The following TRDN variants were observed in gnomAD, a reference collection of about 807,000 sequenced individuals.
The protein encoded by TRDN is triadin.
TRDN carries 161 observed loss-of-function variants against 149.7 expected under a neutral mutation model. That is an observed-to-expected ratio of 1.08 (90% CI 0.95 to 1.23). TRDN has a LOEUF of 1.23. TRDN is among the 50% of genes most tolerant of loss of function. TRDN has a pLI of 0.00. For missense variants in TRDN, 896 were observed against 823.5 expected, an observed-to-expected ratio of 1.09 and a Z score of -1.08; for synonymous variants, 294 against 250.5, an observed-to-expected ratio of 1.17 and a Z score of -1.64.
chr6:123,421,379 A>T (rs1190732952), intron 12 of TRDN, among the ~76,000 whole-genome samples: 1 of 152,140 alleles, frequency 6.6e-6, no homozygotes, highest in Non-Finnish European at 1.5e-5. Context: ...GATTTTGTCA[A>T]TCTGTTTCCT....
chr6:123,411,667 A>G (rs1773446129), intron 12 of TRDN: 2 of 152,224 alleles, frequency 1.3e-5, no homozygotes, highest in South Asian at 4.1e-4. Flanking sequence ...GTATTTATTA[A>G]TATTGCCACA....
intron 10 of TRDN, among the ~76,000 whole-genome samples, chr6:123,453,202 A>G (rs891472230): frequency 3.3e-5 from 5 of 152,196 alleles, no homozygotes; most frequent in Non-Finnish European, 7.4e-5. Context: ...TTAGGCAAAG[A>G]TTTCATGACC....
intron 12 of TRDN, among the ~76,000 whole-genome samples, chr6:123,405,672 A>G (rs1262254495): frequency 5.3e-5 from 8 of 152,212 alleles, no homozygotes; most frequent in Non-Finnish European, 8.8e-5. Flanking sequence ...CAAAAAGTTT[A>G]GTAATTCTCA....
intron 24 of TRDN, among the ~76,000 whole-genome samples, chr6:123,288,902 T>C (rs771532581): frequency 5.9e-5 from 9 of 151,812 alleles, no homozygotes; most frequent in Non-Finnish European, 1.3e-4. Flanking sequence ...TCCAAAGGAA[T>C]TGAAATCAGG....
rs146791487 is a variant in TRDN, at chr6:123,605,561, G to A, written c.22+31193C>T. 1.8e-4 allele frequency among the ~76,000 whole-genome samples: 27 copies of A among 146,438 alleles called. No homozygotes were observed. In the East Asian group the frequency reaches 4.4e-3, roughly 24 times the overall value. ...CAGCATTTTGGGAGGCCTAGTGTTC[G>A]AGACCAGCCTGGGCAATATGGCGAA... On this transcript the variant is annotated intron_variant, in intron 1 of 40. Transcript: ENST00000334268.
chr6:123,425,110 A>G (rs145522589), intron 12 of TRDN, among the ~76,000 whole-genome samples: 1 of 152,146 alleles, frequency 6.6e-6, no homozygotes, highest in Non-Finnish European at 1.5e-5. Context: ...TTAATAATGA[A>G]TTAAGGAAGA....
chr6:123,393,800 T>G, intron 12 of TRDN, 123 bp from the exon 13 acceptor site: 1 of 908,604 alleles, frequency 1.1e-6, no homozygotes, highest in Non-Finnish European at 1.7e-6. Flanking sequence ...ACACGAAGAA[T>G]TTTTGTTAAG....
intron 5 of TRDN, 56 bp from the exon 6 acceptor site, chr6:123,516,262 T>A (rs1340271687): frequency 7.2e-7 from 1 of 1,392,082 alleles, no homozygotes; most frequent in African/African-American, 1.5e-5. Flanking sequence ...AATGAGGAGA[T>A]GTTTGCACGG....
rs768926663 is a variant in TRDN at position 123,393,642 on chromosome 6, C to T, written c.1087G>A (p.Val363Ile). Reference sequence around the variant, plus strand: ...TGCTTACCTTGTGCTGCAATTTTTACAGTCCCTTGTTTGGTTTCAGAAGCT... The same window carrying T: ...TGCTTACCTTGTGCTGCAATTTTTATAGTCCCTTGTTTGGTTTCAGAAGCT... ...GKASETKQGT[V>I]KIAAQAAAKK... is the part of the protein sequence containing the mutation. The change falls in exon 13 of 41, where the codon GTA (valine) becomes ATA (isoleucine). Residue 363 changes from valine (V) to isoleucine (I), a missense_variant. Transcript: ENST00000334268. 16 of 1,606,080 alleles carry T rather than the reference C, an allele frequency of 1.0e-5. No homozygotes were observed. Among genetic ancestry groups the T allele is most frequent in the Middle Eastern group, 1.6e-4 (1 of 6,066 alleles).
rs1330935185 is a variant in TRDN, at chr6:123,555,659, C to G, written c.233-7047G>C. 1.3e-5 allele frequency among the ~76,000 whole-genome samples: 2 copies of G among 152,060 alleles called. 1 individual carries two copies. The highest frequency in any genetic ancestry group is 3.9e-4 in the East Asian group (2 of 5,188). ...TAGTAATAATTTATAGTCCTAAAAC[C>G]ATGTTCCAAAAATAGATTTTCCACA... On this transcript the variant is annotated intron_variant, in intron 2 of 40. Transcript: ENST00000334268.
intron 13 of TRDN, chr6:123,389,382 T>C (rs1410380323): frequency 6.6e-6 from 1 of 152,158 alleles, no homozygotes; most frequent in African/African-American, 2.4e-5. Context: ...CGGGATAGAA[T>C]GTTGGGGATC....
intron 9 of TRDN, among the ~76,000 whole-genome samples, chr6:123,473,445 G>T (rs1293309106): frequency 6.6e-6 from 1 of 151,848 alleles, no homozygotes; most frequent in African/African-American, 2.4e-5. Context: ...GGGACTATGT[G>T]AAAAGACCAA....
intron 20 of TRDN, among the ~76,000 whole-genome samples, chr6:123,352,999 T>C (rs1780524825): frequency 6.6e-6 from 1 of 151,852 alleles, no homozygotes; most frequent in East Asian, 1.9e-4. Context: ...AACAATAGTG[T>C]AGTCATGCCT....
chr6:123,452,582 C>A (rs1240287984), intron 10 of TRDN, among the ~76,000 whole-genome samples: 1 of 151,990 alleles, frequency 6.6e-6, no homozygotes. Flanking sequence ...CTACAAAACA[C>A]TGCTGAAAGC....
chr6:123,448,300 C>T (rs1775525249), intron 10 of TRDN, among the ~76,000 whole-genome samples: 1 of 152,148 alleles, frequency 6.6e-6, no homozygotes, highest in African/African-American at 2.4e-5. Flanking sequence ...AAGAACCAAG[C>T]CCTTTTCTTT....
At chr6:123,451,313 C>T (rs1775754447) in intron 10 of TRDN, among the ~76,000 whole-genome samples, 1 of 151,836 alleles carries the variant, frequency 6.6e-6, no homozygotes, top group Middle Eastern at 3.2e-3. Flanking sequence ...AAATAAAAAG[C>T]TGGTTCTTTG....
intron 23 of TRDN, among the ~76,000 whole-genome samples, chr6:123,320,823 G>A (rs906683484): frequency 1.3e-5 from 2 of 151,404 alleles, no homozygotes; most frequent in Non-Finnish European, 2.9e-5. Flanking sequence ...AATCACAGAG[G>A]TTTCTATTTT....
intron 2 of TRDN, among the ~76,000 whole-genome samples, chr6:123,554,744 A>T (rs1324656218): frequency 6.6e-6 from 1 of 152,140 alleles, no homozygotes; most frequent in Non-Finnish European, 1.5e-5. Context: ...GATAGGAAAA[A>T]CAAAACAAAA....
At chr6:123,358,641 A>T (rs62418992) in intron 20 of TRDN, among the ~76,000 whole-genome samples, 17 of 151,164 alleles carry the variant, frequency 1.1e-4, no homozygotes, top group South Asian at 2.1e-4. Flanking sequence ...ATTTTTTTGT[A>T]TTGTTTTGTT....
Sources: allele counts gnomAD v4.1 joint callset (sites outside exome capture counted in the v4.1 genomes callset), GRCh38; gene constraint gnomAD v4.1.1; transcripts MANE v1.5; gene names NCBI Gene and HGNC (gene_info 2026-07-23, HGNC 2026-07-21).